TANGO6: variants seen among roughly 807,000 people sequenced by gnomAD.
TANGO6 encodes the protein transport and Golgi organization protein 6 homolog.
TANGO6 carries 90 observed loss-of-function variants against 114.2 expected under a neutral mutation model. The ratio of observed to expected loss-of-function variants is 0.79; its 90% CI spans 0.66 to 0.94. The LOEUF is 0.94. TANGO6 is among the 40% of genes least tolerant of loss of function. The pLI is 0.00. For synonymous variants in TANGO6, 477 were observed against 509.8 expected, an observed-to-expected ratio of 0.94 and a Z score of 0.87; for missense variants, 1,274 against 1,315.3, an observed-to-expected ratio of 0.97 and a Z score of 0.49.
At chr16:69,067,211 T>A (rs1185997639) in intron 17 of TANGO6, among the ~76,000 whole-genome samples, 1 of 152,172 alleles carries the variant, frequency 6.6e-6, no homozygotes, top group East Asian at 1.9e-4. Context: ...AAAAAAATTT[T>A]TTTTTTATTA....
intron 17 of TANGO6, among the ~76,000 whole-genome samples, chr16:69,043,757 G>C (rs1959809583): frequency 6.6e-6 from 1 of 152,180 alleles, no homozygotes; most frequent in Admixed American, 6.5e-5. Context: ...AACAGCTGAA[G>C]TGAAAATGCC....
intron 15 of TANGO6, among the ~76,000 whole-genome samples, chr16:69,020,461 G>A (rs1227255135): frequency 6.6e-6 from 1 of 152,216 alleles, no homozygotes; most frequent in East Asian, 1.9e-4. Flanking sequence ...TGTGATTTAA[G>A]TCAAAGCGAC....
intron 14 of TANGO6, among the ~76,000 whole-genome samples, chr16:68,951,307 A>G (rs1295420656): frequency 1.4e-5 from 2 of 141,124 alleles, no homozygotes; most frequent in East Asian, 4.9e-4. Flanking sequence ...TGGGTGACAG[A>G]GACCCTGTCT....
At chr16:69,074,840 A>C (rs112290379) in intron 17 of TANGO6, among the ~76,000 whole-genome samples, 22 of 95,056 alleles carry the variant, frequency 2.3e-4, no homozygotes, top group Non-Finnish European at 4.3e-4. Flanking sequence ...GTGTGTGTGT[A>C]TAATTATTAT....
At chr16:68,934,573 A>C (rs1963281803) in intron 14 of TANGO6, among the ~76,000 whole-genome samples, 1 of 152,130 alleles carries the variant, frequency 6.6e-6, no homozygotes, top group Non-Finnish European at 1.5e-5. Context: ...GAGTGCAGGA[A>C]TTGAGATAGG....
At chr16:68,943,685 G>A (rs778796844) in intron 14 of TANGO6, among the ~76,000 whole-genome samples, 1 of 151,916 alleles carries the variant, frequency 6.6e-6, no homozygotes, top group Non-Finnish European at 1.5e-5. Context: ...TTTTTTAACA[G>A]TGTCTGTAAA....
Position 68,927,839 on chromosome 16 carries a change from G to C in TANGO6, c.2399G>C (p.Ser800Thr), listed in dbSNP as rs376417615. 2.8e-5 allele frequency: 45 copies of C among 1,613,914 alleles called. No individual in the cohort carries two copies. The highest frequency in any genetic ancestry group is 5.3e-5 in the African/African-American group (4 of 74,938). Residue 800 changes from serine to threonine, a missense_variant, in exon 13 of 18, where the codon AGC (serine) becomes ACC (threonine). This residue lies in a region of TANGO6 where 908 missense variants were observed against 910.2 expected (regional missense o/e 1.00). Transcript: ENST00000261778. ...VAHSHLEQQQSHETAPQTGLQ... is the reference protein window; with the variant it reads ...VAHSHLEQQQTHETAPQTGLQ... The stretch of plus-strand genomic sequence containing the variant: ...CATAGCCACCTTGAACAACAGCAGA[G>C]CCATGAGACAGCCCCCCAGACAGGC...
chr16:69,078,912 T>A (rs945350467), intron 17 of TANGO6, among the ~76,000 whole-genome samples: 5 of 151,900 alleles, frequency 3.3e-5, no homozygotes, highest in Non-Finnish European at 7.4e-5. Context: ...CCCAGCTAAT[T>A]TGTGTATTTT....
At position 69,012,556 on chromosome 16, in the gene TANGO6, C is replaced by CAAAAAAAAAAA. The variant is rs1175561720; in HGVS notation, c.2843-10260_2843-10250dup. Among the ~76,000 whole-genome samples, 146 of 36,484 alleles carry CAAAAAAAAAAA rather than the reference C, an allele frequency of 4.0e-3. 2 individuals are homozygous for CAAAAAAAAAAA. The highest frequency in any genetic ancestry group is 0.014 in the African/African-American group (133 of 9,510). The allele number at this position is 36,484 out of a possible 152,430, so 23.9% of individuals were successfully genotyped here. On this transcript the variant is annotated intron_variant, in intron 15 of 17. Coordinates refer to ENST00000261778, the MANE Select transcript of TANGO6 (RefSeq NM_024562.2). ...GGGCAACAAGAGCGAAACTCTGTCT[C>CAAAAAAAAAAA]AAAAAAAAAAAAAAAAAAAAAAGGA...
chr16:69,057,556 C>A (rs529354488), intron 17 of TANGO6, among the ~76,000 whole-genome samples: 38 of 152,238 alleles, frequency 2.5e-4, no homozygotes, highest in African/African-American at 8.4e-4. Flanking sequence ...CCAGGCAGTG[C>A]AGCTCCAGAG....
intron 15 of TANGO6, among the ~76,000 whole-genome samples, chr16:68,976,956 G>T (rs1963770670): frequency 6.6e-6 from 1 of 152,184 alleles, no homozygotes; most frequent in African/African-American, 2.4e-5. Context: ...ATCTAAGGCA[G>T]AAAAAGAAGA....
At chr16:68,863,422 TGG>T (rs1488972752) in intron 3 of TANGO6, among the ~76,000 whole-genome samples, 1 of 151,948 alleles carries the variant, frequency 6.6e-6, no homozygotes, top group East Asian at 1.9e-4. Flanking sequence ...AGCCTCAACA[TGG>T]AGAAACCCTG....
chr16:69,009,674 A>G (rs1964128046), intron 15 of TANGO6, among the ~76,000 whole-genome samples: 1 of 152,216 alleles, frequency 6.6e-6, no homozygotes, highest in Admixed American at 6.5e-5. Flanking sequence ...CCTTCAATTC[A>G]TGAACATGGG....
chr16:68,878,357 C>A, intron 6 of TANGO6, 77 bp downstream of exon 6: 1 of 1,467,784 alleles, frequency 6.8e-7, no homozygotes, highest in Non-Finnish European at 9.1e-7. Flanking sequence ...TGATTTAAAT[C>A]TGTGTTATAT....
intron 7 of TANGO6, among the ~76,000 whole-genome samples, chr16:68,888,859 C>T (rs192847169): frequency 6.6e-6 from 1 of 152,316 alleles, no homozygotes; most frequent in East Asian, 1.9e-4. Context: ...GTCGCCCAGG[C>T]TGGAGTGCAG....
At chr16:69,006,212 C>G (rs1934432944) in intron 15 of TANGO6, among the ~76,000 whole-genome samples, 1 of 152,066 alleles carries the variant, frequency 6.6e-6, no homozygotes, top group African/African-American at 2.4e-5. Context: ...CCTGCCTCCT[C>G]TGTTTGAGGG....
chr16:68,960,881 G>A (rs1012045745), intron 14 of TANGO6, among the ~76,000 whole-genome samples: 7 of 152,334 alleles, frequency 4.6e-5, no homozygotes, highest in African/African-American at 1.7e-4. Context: ...TAAAGATGTT[G>A]TGGAGTGGAG....
intron 2 of TANGO6, among the ~76,000 whole-genome samples, chr16:68,862,544 C>T (rs762031047): frequency 6.6e-6 from 1 of 152,208 alleles, no homozygotes; most frequent in Non-Finnish European, 1.5e-5. Context: ...ACTACTCACC[C>T]ATTTTAAGGC....
At chr16:68,874,514 T>C (rs151316290) in intron 4 of TANGO6, among the ~76,000 whole-genome samples, 1 of 152,256 alleles carries the variant, frequency 6.6e-6, no homozygotes, top group Non-Finnish European at 1.5e-5. Context: ...CTTAAGACAG[T>C]TTAAATGAAA....
Sources: gnomAD v4.1 joint callset for allele counts (sites outside exome capture counted in the v4.1 genomes callset) on GRCh38, gnomAD v4.1.1 for gene constraint, gnomAD v4.1.1 regional missense constraint, MANE v1.5 for transcripts, NCBI Gene and HGNC (gene_info 2026-07-23, HGNC 2026-07-21) for gene names.